Variants in KCNIP4 observed in about 807,000 individuals in gnomAD.
KCNIP4 encodes the protein Kv channel-interacting protein 4.
A neutral mutation model predicts 34.0 loss-of-function variants in KCNIP4; 12 were observed. The observed-to-expected ratio is 0.35, with a 90% confidence interval of 0.23 to 0.57. The LOEUF is 0.57. KCNIP4 is among the 20% of genes least tolerant of loss of function. KCNIP4 has a pLI of 0.83. For missense variants in KCNIP4, 238 were observed against 311.7 expected (o/e 0.76, Z 1.78); for synonymous variants, 124 against 102.2 (o/e 1.21, Z -1.29).
intron 1 of KCNIP4, among the ~76,000 whole-genome samples, chr4:21,503,845 A>C (rs1466484432): frequency 1.3e-5 from 2 of 152,220 alleles, no homozygotes; most frequent in African/African-American, 4.8e-5. Context: ...GCAGTGTCTT[A>C]GTGTTGGTGT....
At chr4:21,465,793 A>G (rs919283580) in intron 1 of KCNIP4, among the ~76,000 whole-genome samples, 2 of 152,190 alleles carry the variant, frequency 1.3e-5, no homozygotes, top group Non-Finnish European at 2.9e-5. Flanking sequence ...AAACATGCAA[A>G]TAACAATTCT....
intron 1 of KCNIP4, among the ~76,000 whole-genome samples, chr4:21,247,592 T>TAC (rs1553845594): frequency 2.1e-5 from 3 of 144,296 alleles, no homozygotes; most frequent in African/African-American, 7.7e-5. Context: ...TATATATATA[T>TAC]ACACCACAGA....
In KCNIP4 at chr4:20,749,680, A is replaced by G. The variant is rs756779365; in HGVS notation, c.411T>C (p.Asn137=). 1.9e-6 allele frequency: 3 copies of G among 1,608,590 alleles called. No homozygotes were observed. Among genetic ancestry groups the G allele is most frequent in the African/African-American group, 2.7e-5 (2 of 74,866 alleles). Residue 137 remains asparagine (N), a synonymous_variant, in exon 5 of 9, where the codon AAT becomes AAC. Coordinates refer to ENST00000382152, the MANE Select transcript of KCNIP4 (RefSeq NM_025221.6). ...AGCTTACCTCGAAACTCACAGCTCCATTGTGGTCTGTATCAAATGCATTGA... is the reference window on the plus strand; with the variant it reads ...AGCTTACCTCGAAACTCACAGCTCCGTTGTGGTCTGTATCAAATGCATTGA... ...FLFNAFDTDH[N]GAVSFEDFIK...
At chr4:21,143,288 G>A (rs182881655) in intron 1 of KCNIP4, among the ~76,000 whole-genome samples, 1 of 152,206 alleles carries the variant, frequency 6.6e-6, no homozygotes, top group South Asian at 2.1e-4. Flanking sequence ...CAAAGCAAGA[G>A]AAGGACTCAA....
intron 1 of KCNIP4, among the ~76,000 whole-genome samples, chr4:21,786,327 T>C (rs572980857): frequency 1.1e-4 from 16 of 152,184 alleles, no homozygotes; most frequent in Non-Finnish European, 2.2e-4. Flanking sequence ...GAGATACTTG[T>C]CCAAGTGCTC....
intron 1 of KCNIP4, among the ~76,000 whole-genome samples, chr4:21,609,143 T>C (rs982244309): frequency 1.3e-5 from 2 of 152,142 alleles, no homozygotes; most frequent in South Asian, 2.1e-4. Context: ...GGAAGTTTAA[T>C]AGGAAGAACA....
intron 1 of KCNIP4, among the ~76,000 whole-genome samples, chr4:21,722,056 T>G (rs1714857262): frequency 6.6e-6 from 1 of 152,166 alleles, no homozygotes; most frequent in Admixed American, 6.6e-5. Flanking sequence ...CACTAAAAAC[T>G]TAGACTCCTT....
At chr4:21,272,721 A>G (rs1249058006) in intron 1 of KCNIP4, among the ~76,000 whole-genome samples, 1 of 152,110 alleles carries the variant, frequency 6.6e-6, no homozygotes, top group East Asian at 1.9e-4. Context: ...CACCATTCTC[A>G]CTGTATTTCA....
chr4:21,271,405 C>T (rs1577998351), intron 1 of KCNIP4, among the ~76,000 whole-genome samples: 1 of 152,306 alleles, frequency 6.6e-6, no homozygotes, highest in Non-Finnish European at 1.5e-5. Flanking sequence ...GTAAAAAGGA[C>T]TTTCTTATGC....
At chr4:21,441,203 G>A (rs926619741) in intron 1 of KCNIP4, among the ~76,000 whole-genome samples, 7 of 150,028 alleles carry the variant, frequency 4.7e-5, no homozygotes, top group East Asian at 4.0e-4. Context: ...GTTCAGTGGC[G>A]TGATCTCGGC....
intron 1 of KCNIP4, among the ~76,000 whole-genome samples, chr4:20,983,041 C>A (rs1736234581): frequency 6.6e-6 from 1 of 152,146 alleles, no homozygotes; most frequent in Admixed American, 6.5e-5. Context: ...ATTTCATAAA[C>A]AATATGTGTG....
At chr4:21,029,782 C>T (rs989150030) in intron 1 of KCNIP4, among the ~76,000 whole-genome samples, 2 of 152,154 alleles carry the variant, frequency 1.3e-5, no homozygotes, top group East Asian at 1.9e-4. Context: ...GACCTTTATG[C>T]TCCTACACCA....
chr4:21,404,531 TACAC>T (rs201131062), intron 1 of KCNIP4, among the ~76,000 whole-genome samples: 1 of 151,960 alleles, frequency 6.6e-6, no homozygotes, highest in African/African-American at 2.4e-5. Flanking sequence ...ATTCCAAACT[TACAC>T]ACACACACAA....
Position 21,181,538 on chromosome 4 carries a change from C to T in KCNIP4, c.62-298829G>A, listed in dbSNP as rs79768607. ...CATCCATCCATCCATCCATCCAAAC[C>T]ATATGTACTCATATGTTGAAAGGGG... On this transcript the variant is annotated intron_variant, in intron 1 of 8. Coordinates refer to ENST00000382152, the MANE Select transcript of KCNIP4 (RefSeq NM_025221.6). Among the ~76,000 whole-genome samples, 691 of 152,170 alleles carry T rather than the reference C, an allele frequency of 4.5e-3. 6 individuals carry two copies. The highest frequency in any genetic ancestry group is 0.016 in the African/African-American group (658 of 41,532).
At chr4:20,907,749 G>T (rs1296318868) in intron 1 of KCNIP4, among the ~76,000 whole-genome samples, 1 of 151,986 alleles carries the variant, frequency 6.6e-6, no homozygotes, top group Non-Finnish European at 1.5e-5. Context: ...ACGGAGTCTT[G>T]CTCTGTCACC....
rs112128246 is a variant in KCNIP4 at position 21,370,882 on chromosome 4, C to CGTGTGT, written c.62-488179_62-488174dup. Among the ~76,000 whole-genome samples, 117 of 39,360 alleles carry CGTGTGT rather than the reference C, an allele frequency of 3.0e-3. 10 individuals carry two copies. Among genetic ancestry groups the CGTGTGT allele is most frequent in the African/African-American group, 7.5e-3 (75 of 10,036 alleles). The allele number at this position is 39,360 out of a possible 152,430, so 25.8% of individuals were successfully genotyped here. Reference sequence around the variant, plus strand: ...ACACACACACACACACACACACACACGTGTGTGTGTGTGTGTGTGTATTAG... The same window carrying CGTGTGT: ...ACACACACACACACACACACACACACGTGTGTGTGTGTGTGTGTGTGTGTGTATTAG... On this transcript the variant is annotated intron_variant, in intron 1 of 8. Coordinates refer to ENST00000382152, the MANE Select transcript of KCNIP4 (RefSeq NM_025221.6).
At chr4:20,895,237 T>C (rs187491157) in intron 1 of KCNIP4, among the ~76,000 whole-genome samples, 2 of 152,326 alleles carry the variant, frequency 1.3e-5, no homozygotes, top group Non-Finnish European at 2.9e-5. Context: ...CCTCTTTGGT[T>C]AAGCTTCTTA....
chr4:20,814,311 C>T (rs2149436909), intron 3 of KCNIP4, among the ~76,000 whole-genome samples: 1 of 152,296 alleles, frequency 6.6e-6, no homozygotes, highest in Middle Eastern at 3.4e-3. Flanking sequence ...ATCGCTGTTT[C>T]ACCCAAAGGC....
At chr4:21,854,715 G>GC (rs1560764341) in intron 1 of KCNIP4, among the ~76,000 whole-genome samples, 1 of 152,134 alleles carries the variant, frequency 6.6e-6, no homozygotes, top group Non-Finnish European at 1.5e-5. Context: ...TATTCTAAGC[G>GC]ATTGTGTTGA....
Sources: allele counts gnomAD v4.1 joint callset (sites outside exome capture counted in the v4.1 genomes callset), GRCh38; gene constraint gnomAD v4.1.1; transcripts MANE v1.5; gene names NCBI Gene and HGNC (gene_info 2026-07-23, HGNC 2026-07-21).